KCNN2: variants seen among roughly 807,000 people sequenced by gnomAD.
KCNN2 encodes the protein small conductance calcium-activated potassium channel protein 2.
Under a neutral mutation model 55.5 loss-of-function variants are expected in KCNN2, and 24 were observed. The observed-to-expected ratio is 0.43, with a 90% CI of 0.31 to 0.61. The LOEUF is 0.61. KCNN2 is among the 20% of genes least tolerant of loss of function. The pLI, the probability that KCNN2 is intolerant of heterozygous loss-of-function variation, is 0.08. For missense variants in KCNN2, 754 were observed against 853.6 expected, an observed-to-expected ratio of 0.88 and a Z score of 1.45; for synonymous variants, 431 against 336.1, an observed-to-expected ratio of 1.28 and a Z score of -3.09.
At chr5:114,309,749 G>A (rs1204114037) in intron 2 of KCNN2, among the ~76,000 whole-genome samples, 1 of 152,144 alleles carries the variant, frequency 6.6e-6, no homozygotes, top group Admixed American at 6.6e-5. Context: ...TGTAATATGA[G>A]TATGATGAAT....
chr5:114,182,754 G>A (rs1330337452), intron 1 of KCNN2, among the ~76,000 whole-genome samples: 1 of 151,884 alleles, frequency 6.6e-6, no homozygotes, highest in African/African-American at 2.4e-5. Context: ...TCATCAATTG[G>A]TTTCTAGTTT....
At chr5:114,368,070 T>C (rs917362133) in intron 2 of KCNN2, among the ~76,000 whole-genome samples, 1 of 152,208 alleles carries the variant, frequency 6.6e-6, no homozygotes, top group Non-Finnish European at 1.5e-5. Flanking sequence ...TTCCAGTAAA[T>C]ATAGTGGGCC....
intron 1 of KCNN2, among the ~76,000 whole-genome samples, chr5:114,074,515 A>G (rs1039484194): frequency 9.2e-5 from 14 of 152,184 alleles, no homozygotes; most frequent in Middle Eastern, 3.2e-3. Flanking sequence ...CACTGCCAAT[A>G]GTGGACCTTG....
intron 2 of KCNN2, among the ~76,000 whole-genome samples, chr5:114,347,172 T>C (rs978345245): frequency 2.6e-5 from 4 of 152,188 alleles, no homozygotes; most frequent in Admixed American, 2.6e-4. Flanking sequence ...ACATTTATAA[T>C]TGCTACAGAA....
intron 2 of KCNN2, among the ~76,000 whole-genome samples, chr5:114,293,799 T>C (rs1270666673): frequency 2.0e-5 from 3 of 152,222 alleles, no homozygotes; most frequent in Non-Finnish European, 4.4e-5. Context: ...CTGGTAGAAT[T>C]CGGCTGTGAA....
At chr5:114,135,861 G>A (rs1752163881) in intron 1 of KCNN2, among the ~76,000 whole-genome samples, 1 of 152,126 alleles carries the variant, frequency 6.6e-6, no homozygotes, top group South Asian at 2.1e-4. Flanking sequence ...AATATTCAGA[G>A]AAAAGCTCTT....
intron 2 of KCNN2, among the ~76,000 whole-genome samples, chr5:114,353,351 G>C (rs1757246934): frequency 6.6e-6 from 1 of 151,560 alleles, no homozygotes; most frequent in Non-Finnish European, 1.5e-5. Context: ...TGTCATTTCT[G>C]TACTTCGATA....
intron 2 of KCNN2, among the ~76,000 whole-genome samples, chr5:114,336,451 T>G (rs36953): frequency 3.4e-4 from 51 of 152,156 alleles, no homozygotes; most frequent in Middle Eastern, 3.4e-3. Context: ...AATAGTCATC[T>G]TGTGACATGC....
rs953011550 is a variant in KCNN2 at position 114,368,215 on chromosome 5, C to CT, written c.1218+4215dup. The stretch of plus-strand genomic sequence containing the variant: ...CTTAAGTATACATGGATTTTGGTGT[C>CT]TGTGGGATTCCTGGAACTAATCCCC... On this transcript the variant is annotated intron_variant, in intron 2 of 7. Transcript: ENST00000673685. Among the ~76,000 whole-genome samples, 31 of 152,208 alleles carry CT rather than the reference C, an allele frequency of 2.0e-4. No homozygotes were observed. The South Asian group carries it at 3.3e-3, about 16-fold the overall frequency.
chr5:114,175,173 C>A (rs1227445361), intron 1 of KCNN2, among the ~76,000 whole-genome samples: 2 of 152,106 alleles, frequency 1.3e-5, no homozygotes, highest in Non-Finnish European at 2.9e-5. Context: ...GTAATGTTAA[C>A]AATTGCTATC....
At chr5:114,470,102 T>C (rs1580886407) in intron 4 of KCNN2, among the ~76,000 whole-genome samples, 1 of 152,118 alleles carries the variant, frequency 6.6e-6, no homozygotes, top group Non-Finnish European at 1.5e-5. Context: ...TGACACCCGG[T>C]GAGAAATGGG....
upstream of KCNN2, among the ~76,000 whole-genome samples, chr5:114,359,339 A>G (rs570583255): frequency 6.6e-6 from 1 of 152,346 alleles, no homozygotes; most frequent in Non-Finnish European, 1.5e-5. Context: ...AACTCCATGC[A>G]ACATTGCCAT....
chr5:114,101,214 C>T (rs573319406), intron 1 of KCNN2, among the ~76,000 whole-genome samples: 16 of 151,872 alleles, frequency 1.1e-4, no homozygotes, highest in Non-Finnish European at 1.9e-4. Flanking sequence ...TGTGAGTAGT[C>T]ATAGAATTTT....
At chr5:114,270,480 A>C (rs1413327412) in intron 2 of KCNN2, among the ~76,000 whole-genome samples, 1 of 152,210 alleles carries the variant, frequency 6.6e-6, no homozygotes, top group East Asian at 1.9e-4. Flanking sequence ...TATACTATAA[A>C]AGCTGAATTA....
Position 114,362,857 on chromosome 5 carries a change from G to T in KCNN2, c.718G>T (p.Asp240Tyr), listed in dbSNP as rs772670260. 4 of 1,599,892 alleles carry T rather than the reference G, an allele frequency of 2.5e-6. No homozygotes were observed. The highest frequency in any genetic ancestry group is 1.7e-5 in the Admixed American group (1 of 59,880). The change falls in exon 1 of 8, where the codon GAC (aspartate) becomes TAC (tyrosine). Residue 240 changes from aspartate (D) to tyrosine (Y), a missense_variant. Around this residue, in one of 4 missense-constraint regions of KCNN2, gnomAD observed 381 missense variants for 259.1 expected, o/e 1.47. Transcript: ENST00000673685. ...GTCCCGCCGGAACCTGCACGAGATG[G>T]ACTCAGAGGCGCAGCCCCTGCAGCC... ...SASRRNLHEM[D>Y]SEAQPLQPPA...
intron 3 of KCNN2, among the ~76,000 whole-genome samples, chr5:114,455,736 A>C (rs185449461): frequency 6.6e-6 from 1 of 152,256 alleles, no homozygotes; most frequent in Non-Finnish European, 1.5e-5. Context: ...TCCAGTGAAC[A>C]CATGAATAAT....
In KCNN2 at chr5:114,362,135, C is replaced by G. The variant is rs1409826133; in HGVS notation, c.-5C>G. On this transcript the variant is annotated 5_prime_UTR_variant, in exon 1 of 8. Coordinates refer to ENST00000673685, the MANE Select transcript of KCNN2 (RefSeq NM_021614.4). ...TGGTCTCCCTGCAGCTTTAACAGCC[C>G]TGACATGGAAACCCCATTGCAGTTC... is the stretch of plus-strand genomic sequence containing the variant. 6.2e-6 allele frequency: 1 copy of G among 160,766 alleles called. No individual in the cohort carries two copies. The highest frequency in any genetic ancestry group is 2.4e-5 in the African/African-American group (1 of 41,528). 10.0% of individuals were successfully genotyped at this position (160,766 alleles called of 1,614,324 possible). A position where few individuals can be genotyped will look rare whatever the true frequency, so the allele number is the denominator to read the frequency against.
At chr5:114,216,707 A>C (rs373409008) in intron 1 of KCNN2, among the ~76,000 whole-genome samples, 2 of 152,122 alleles carry the variant, frequency 1.3e-5, no homozygotes, top group Admixed American at 6.5e-5. Flanking sequence ...TAAGATCAGA[A>C]ACAAAGCAAG....
At chr5:114,441,621 T>G (rs1039745429) in intron 3 of KCNN2, among the ~76,000 whole-genome samples, 4 of 152,188 alleles carry the variant, frequency 2.6e-5, no homozygotes, top group Admixed American at 6.5e-5. Context: ...GAGGGTGGCA[T>G]CCTTTCAAAC....
Sources: allele counts gnomAD v4.1 joint callset (sites outside exome capture counted in the v4.1 genomes callset), GRCh38; gene constraint gnomAD v4.1.1; regional missense constraint gnomAD v4.1.1; transcripts MANE v1.5; gene names NCBI Gene and HGNC (gene_info 2026-07-23, HGNC 2026-07-21).